SEMA5B: variants seen among roughly 807,000 people sequenced by gnomAD.
The protein encoded by SEMA5B is semaphorin-5B.
Under a neutral mutation model 135.0 loss-of-function variants are expected in SEMA5B, and 66 were observed. The ratio of observed to expected loss-of-function variants is 0.49; its 90% CI spans 0.40 to 0.60. The LOEUF (loss-of-function observed/expected upper bound fraction) is 0.60. Among genes scored for constraint, SEMA5B ranks in the 20% least tolerant of loss-of-function variants. SEMA5B has a pLI of 0.00. For synonymous variants in SEMA5B, 690 were observed against 639.5 expected (o/e 1.08, Z -1.19); for missense variants, 1,501 against 1,566.3 (o/e 0.96, Z 0.70).
chr3:122,943,326 ATGGGGCCCAGCACGCGGGGC>A, intron 4 of SEMA5B, 90 bp downstream of exon 4: 1 of 709,216 alleles, frequency 1.4e-6, no homozygotes, highest in Non-Finnish European at 2.4e-6. Flanking sequence ...AGCAGAGAGG[ATGGGGCCCAGCACGCGGGGC>A]TGCCCAGGTG....
chr3:122,985,063 T>G (rs1212241253), intron 1 of SEMA5B, among the ~76,000 whole-genome samples: 1 of 152,228 alleles, frequency 6.6e-6, no homozygotes, highest in Non-Finnish European at 1.5e-5. Flanking sequence ...AAAAGCTACA[T>G]CAATCTTTTC....
chr3:122,931,233 A>C (rs538035788), intron 5 of SEMA5B, among the ~76,000 whole-genome samples: 1 of 152,338 alleles, frequency 6.6e-6, no homozygotes, highest in African/African-American at 2.4e-5. Flanking sequence ...TTTCTAAAAA[A>C]TATGTATCAA....
intron 1 of SEMA5B, among the ~76,000 whole-genome samples, chr3:122,961,732 CCTCT>C (rs1560370536): frequency 6.6e-6 from 1 of 152,066 alleles, no homozygotes. Flanking sequence ...TGTCCTCCTG[CCTCT>C]CTCTCTACAA....
intron 1 of SEMA5B, among the ~76,000 whole-genome samples, chr3:123,024,147 T>C (rs1288778583): frequency 6.6e-6 from 1 of 152,202 alleles, no homozygotes; most frequent in East Asian, 1.9e-4. Context: ...TGGTAATGAG[T>C]TGCTAACTCA....
At chr3:122,913,507 C>A (rs1385410219) in intron 16 of SEMA5B, 27 bp downstream of exon 16, 1 of 1,601,826 alleles carries the variant, frequency 6.2e-7, no homozygotes, top group Non-Finnish European at 8.5e-7. Flanking sequence ...CTACACCGCG[C>A]CCCTGGCCCA....
intron 5 of SEMA5B, among the ~76,000 whole-genome samples, chr3:122,937,276 G>T (rs1347378688): frequency 1.3e-5 from 2 of 152,214 alleles, no homozygotes; most frequent in African/African-American, 2.4e-5. Flanking sequence ...CCCGGAGAGG[G>T]CACTGGCAGG....
In SEMA5B at chr3:122,926,432, G is replaced by T. The variant is rs1219455069; in HGVS notation, c.1096C>A (p.Pro366Thr). 3 of 1,614,120 alleles carry T rather than the reference G, an allele frequency of 1.9e-6. No individual in the cohort carries two copies. The highest frequency in any genetic ancestry group is 1.7e-5 in the Admixed American group (1 of 60,014). The change falls in exon 9 of 23, where the codon CCG (proline) becomes ACG (threonine). Residue 366 changes from proline to threonine, a missense_variant. By Grantham distance (38) the Pro-to-Thr change is conservative. Transcript: ENST00000357599. ...YNELQSAFHL[P>T]EQDLIYGVFT... ...ACTCCATAGATGAGGTCCTGCTCCGGCAAGTGGAAGGCACTCTGCAGCTCG... is the reference window on the plus strand; with the variant it reads ...ACTCCATAGATGAGGTCCTGCTCCGTCAAGTGGAAGGCACTCTGCAGCTCG...
At chr3:122,945,019 G>A (rs577165929) in intron 3 of SEMA5B, among the ~76,000 whole-genome samples, 30 of 152,318 alleles carry the variant, frequency 2.0e-4, no homozygotes, top group African/African-American at 6.7e-4. Flanking sequence ...GAGAGAGAGA[G>A]AGTCTGTGTG....
intron 4 of SEMA5B, among the ~76,000 whole-genome samples, chr3:122,943,209 G>A (rs13092326): frequency 0.2 from 29,885 of 152,044 alleles, 3,189 homozygotes; most frequent in East Asian, 0.35. Context: ...CCAACCACAG[G>A]GGCCTGCAGC....
At chr3:122,952,650 A>G (rs1252110852) in intron 2 of SEMA5B, among the ~76,000 whole-genome samples, 1 of 152,122 alleles carries the variant, frequency 6.6e-6, no homozygotes, top group Admixed American at 6.5e-5. Flanking sequence ...GGACTGGAGC[A>G]CTTCCTTTTG....
At chr3:122,918,147 A>T (rs937228444) in intron 12 of SEMA5B, among the ~76,000 whole-genome samples, 7 of 152,250 alleles carry the variant, frequency 4.6e-5, no homozygotes, top group Admixed American at 6.5e-5. Context: ...TAATAATAAT[A>T]AACAATATTC....
At chr3:122,979,119 G>A (rs953343715) in intron 1 of SEMA5B, among the ~76,000 whole-genome samples, 9 of 152,328 alleles carry the variant, frequency 5.9e-5, no homozygotes, top group African/African-American at 2.2e-4. Flanking sequence ...GGATAAATGG[G>A]ATGGGAGGCG....
At chr3:122,948,791 C>A in intron 2 of SEMA5B, 82 bp from the exon 3 acceptor site, 1 of 1,105,340 alleles carries the variant, frequency 9.0e-7, no homozygotes, top group Non-Finnish European at 1.3e-6. Context: ...TTACAGTGCC[C>A]CCACAGGATT....
chr3:122,932,881 G>T (rs753253983), intron 5 of SEMA5B, among the ~76,000 whole-genome samples: 37 of 152,072 alleles, frequency 2.4e-4, no homozygotes, highest in Non-Finnish European at 4.9e-4. Context: ...ACCACACTTG[G>T]CTAGTTTTTA....
chr3:122,923,707 AG>A lies in SEMA5B; in HGVS notation c.1181del (p.Ala394ValfsTer23), dbSNP rs754004074. ...ATGGGCCATTGAAAGCCTGGGAGATAGCACTGAGGTTGAAGGCGCAGACAGC... is the reference window on the plus strand; with the variant it reads ...ATGGGCCATTGAAAGCCTGGGAGATACACTGAGGTTGAAGGCGCAGACAGC... ...ASAVCAFNLS[A>X]ISQAFNGPFR... On this transcript the variant is annotated frameshift_variant, in exon 10 of 23. Coordinates refer to ENST00000357599, the MANE Select transcript of SEMA5B (RefSeq NM_001031702.4). LOFTEE classifies it high-confidence loss of function. 7 of 1,614,026 alleles carry A rather than the reference AG, an allele frequency of 4.3e-6. No individual in the cohort carries two copies. The highest frequency in any genetic ancestry group is 5.9e-6 in the Non-Finnish European group (7 of 1,180,004).
Position 122,948,702 on chromosome 3 carries a change from G to C in SEMA5B, c.132C>G (p.Leu44=), listed in dbSNP as rs1939912368. Residue 44 remains leucine, a synonymous_variant, in exon 3 of 23, where the codon CTC becomes CTG. Transcript: ENST00000357599. ...GWLLSLVRGL[L]PCLPPGARTA... ...TCCTAGCTCCGGGAGGCAGACAGGG[G>C]AGAAGACCTGCAACGTAAACACTCA... is the stretch of plus-strand genomic sequence containing the variant. 1 of 1,598,206 alleles carries C rather than the reference G, an allele frequency of 6.3e-7. No homozygotes were observed. The highest frequency in any genetic ancestry group is 8.6e-7 in the Non-Finnish European group (1 of 1,168,710).
At chr3:122,961,984 C>G (rs554837524) in intron 1 of SEMA5B, among the ~76,000 whole-genome samples, 10 of 152,184 alleles carry the variant, frequency 6.6e-5, no homozygotes, top group Non-Finnish European at 1.3e-4. Context: ...ACCCTTCTTC[C>G]GCTGTTGCCT....
rs1382314088 is a variant in SEMA5B at position 122,948,496 on chromosome 3, C to G, written c.328+10G>C. The G allele has an allele frequency of 1.9e-6, 3 of 1,590,568 alleles. No individual in the cohort carries two copies. Among genetic ancestry groups the G allele is most frequent in the African/African-American group, 1.3e-5 (1 of 74,426 alleles). ...TTGCAAGACAGGGCCAAGTAGGAAGCAACTCTTACCTTCAAAGGCCACGGT... is the reference window on the plus strand; with the variant it reads ...TTGCAAGACAGGGCCAAGTAGGAAGGAACTCTTACCTTCAAAGGCCACGGT... On this transcript the variant is annotated intron_variant, in intron 3 of 22. Coordinates refer to ENST00000357599, the MANE Select transcript of SEMA5B (RefSeq NM_001031702.4).
intron 1 of SEMA5B, among the ~76,000 whole-genome samples, chr3:123,014,945 C>T (rs1942521959): frequency 6.6e-6 from 1 of 152,136 alleles, no homozygotes; most frequent in Non-Finnish European, 1.5e-5. Flanking sequence ...GGGCCCCAAC[C>T]CAATATGACT....
Sources: allele counts gnomAD v4.1 joint callset (sites outside exome capture counted in the v4.1 genomes callset), GRCh38; gene constraint gnomAD v4.1.1; transcripts MANE v1.5; gene names NCBI Gene and HGNC (gene_info 2026-07-23, HGNC 2026-07-21).